FBRSL1: variants seen among roughly 807,000 people sequenced by gnomAD.
FBRSL1 encodes fibrosin like 1.
A neutral mutation model predicts 89.6 loss-of-function variants in FBRSL1; 51 were observed. The ratio of observed to expected loss-of-function variants is 0.57; its 90% CI spans 0.45 to 0.72. The LOEUF is 0.72. Among genes scored for constraint, FBRSL1 ranks in the 30% least tolerant of loss-of-function variants. FBRSL1 has a pLI of 0.00. For synonymous variants in FBRSL1, 779 were observed against 681.1 expected (o/e 1.14, Z -2.24); for missense variants, 1,618 against 1,451.8 (o/e 1.11, Z -1.86).
intron 9 of FBRSL1, 170 bp downstream of exon 9, chr12:132,571,401 G>A: frequency 6.4e-7 from 1 of 1,550,970 alleles, no homozygotes; most frequent in Non-Finnish European, 8.7e-7. Flanking sequence ...CTCTGCTGCG[G>A]GCGGAGTTCC....
In FBRSL1 at chr12:132,575,900, G is replaced by A. The variant is rs1022880494; in HGVS notation, c.1702-899G>A. Among the ~76,000 whole-genome samples, 6 of 152,238 alleles carry A rather than the reference G, an allele frequency of 3.9e-5. No individual in the cohort carries two copies. The South Asian group carries it at 8.3e-4, about 21-fold the overall frequency. Reference sequence around the variant, plus strand: ...CAGAGGCAGGACAGGCAGAGGCAGCGCAGTCACCAGGACAGTGGGGTCTTG... The same window carrying A: ...CAGAGGCAGGACAGGCAGAGGCAGCACAGTCACCAGGACAGTGGGGTCTTG... On this transcript the variant is annotated intron_variant, in intron 14 of 18. Transcript: ENST00000680143.
intron 6 of FBRSL1, 129 bp downstream of exon 6, chr12:132,567,655 T>G (rs867490521): frequency 2.1e-6 from 2 of 970,612 alleles, no homozygotes; most frequent in Middle Eastern, 2.1e-4. Flanking sequence ...CAGAGCTGGG[T>G]GGGACCAGGG....
rs1190290929 is a variant in FBRSL1, at chr12:132,582,091, G to A, written c.2026G>A (p.Glu676Lys). The A allele has an allele frequency of 6.5e-7, 1 of 1,548,850 alleles. No homozygotes were observed. The highest frequency in any genetic ancestry group is 8.7e-7 in the Non-Finnish European group (1 of 1,146,124). ...APGGSIFAPKEGSSVHGLPSP... is the reference protein window; with the variant it reads ...APGGSIFAPKKGSSVHGLPSP... Reference sequence around the variant, plus strand: ...CGGTGGCAGCATCTTTGCCCCCAAGGAGGGCTCCTCCGTGCACGGCCTGCC... The same window carrying A: ...CGGTGGCAGCATCTTTGCCCCCAAGAAGGGCTCCTCCGTGCACGGCCTGCC... Residue 676 changes from glutamate to lysine, a missense_variant, in exon 18 of 19, where the codon GAG becomes AAG. By Grantham distance (56) the Glu-to-Lys change is moderately conservative. Coordinates refer to ENST00000680143, the MANE Select transcript of FBRSL1 (RefSeq NM_001367871.1).
At chr12:132,522,837 C>T (rs969048858) in intron 2 of FBRSL1, among the ~76,000 whole-genome samples, 6 of 152,232 alleles carry the variant, frequency 3.9e-5, no homozygotes, top group Admixed American at 2.0e-4. Flanking sequence ...GGGCCCTCCC[C>T]GGCCTGCGCT....
chr12:132,570,340 G>C lies in FBRSL1; in HGVS notation c.1013G>C (p.Ser338Thr). 6.5e-7 allele frequency: 1 copy of C among 1,530,316 alleles called. No individual in the cohort carries two copies. The highest frequency in any genetic ancestry group is 1.4e-5 in the African/African-American group (1 of 72,442). 94.8% of individuals were successfully genotyped at this position (1,530,316 alleles called of 1,614,324 possible). The change falls in exon 8 of 19, where the codon AGC (serine) becomes ACC (threonine). Residue 338 changes from serine to threonine, a missense_variant. Coordinates refer to ENST00000680143, the MANE Select transcript of FBRSL1 (RefSeq NM_001367871.1). Reference sequence around the variant, plus strand: ...CTGAGCCCCGTGTCCCGCAGCAGGAGCAGCAGCGCCCCCCTGGGCCTGGGG... The same window carrying C: ...CTGAGCCCCGTGTCCCGCAGCAGGACCAGCAGCGCCCCCCTGGGCCTGGGG... ...AANGLHGLSR[S>T]SSAPLGLGKH...
chr12:132,500,605 T>G (rs963150163), intron 1 of FBRSL1, among the ~76,000 whole-genome samples: 1 of 152,124 alleles, frequency 6.6e-6, no homozygotes. Context: ...GTTTCCTGAA[T>G]CCGACCTCAT....
At chr12:132,555,481 C>G (rs1387745208) in intron 5 of FBRSL1, among the ~76,000 whole-genome samples, 2 of 149,496 alleles carry the variant, frequency 1.3e-5, no homozygotes, top group Non-Finnish European at 1.5e-5. Flanking sequence ...GGTAGCCGCC[C>G]CACCCGAGCG....
Position 132,581,795 on chromosome 12 carries a change from C to A in FBRSL1, c.1967C>A (p.Ala656Asp). The change falls in exon 17 of 19, where the codon GCC (alanine) becomes GAC (aspartate). Residue 656 changes from alanine to aspartate, a missense_variant. Physicochemically the swap from Ala to Asp is moderately radical, Grantham distance 126. Transcript: ENST00000680143. ...GGCCTGGGCAGCCTGAGCAGCCACG[C>A]CTTTGGGGGCCTGGGCAGCCATGCA... ...FGGLGSLSSH[A>D]FGGLGSHALA... 6.5e-7 allele frequency: 1 copy of A among 1,548,996 alleles called. No homozygotes were observed. Among genetic ancestry groups the A allele is most frequent in the Non-Finnish European group, 8.7e-7 (1 of 1,146,228 alleles).
chr12:132,582,319 T>A (rs2040817252), intron 18 of FBRSL1, 53 bp downstream of exon 18: 2 of 1,456,080 alleles, frequency 1.4e-6, no homozygotes. Flanking sequence ...CCCCGTTCTT[T>A]CCCCCCTCCC....
At chr12:132,574,668 CG>C (rs2040263134) in intron 14 of FBRSL1, 104 bp downstream of exon 14, 3 of 1,381,486 alleles carry the variant, frequency 2.2e-6, no homozygotes, top group African/African-American at 2.9e-5. Flanking sequence ...CGCGTGTGCA[CG>C]GGTGTGATCC....
chr12:132,577,013 T>C (rs2040423558), intron 15 of FBRSL1, 82 bp downstream of exon 15: 1 of 1,488,546 alleles, frequency 6.7e-7, no homozygotes, highest in South Asian at 1.3e-5. Flanking sequence ...GTGCCAGGAG[T>C]GAGAGCGCTC....
In FBRSL1 at chr12:132,582,189, G is replaced by C; in HGVS notation, c.2124G>C (p.Lys708Asn). The C allele has an allele frequency of 6.5e-7, 1 of 1,550,158 alleles. No individual in the cohort carries two copies. The highest frequency in any genetic ancestry group is 8.7e-7 in the Non-Finnish European group (1 of 1,146,868). ...PSFPAPPPWP[K>N]SVDAERVSAL... The stretch of plus-strand genomic sequence containing the variant: ...TCCCGGCTCCGCCCCCGTGGCCCAA[G>C]TCCGTGGACGCGGAGCGGGTGTCAG... The change falls in exon 18 of 19, where the codon AAG (lysine) becomes AAC (asparagine). Residue 708 changes from lysine (K) to asparagine (N), a missense_variant. Coordinates refer to ENST00000680143, the MANE Select transcript of FBRSL1 (RefSeq NM_001367871.1).
intron 5 of FBRSL1, chr12:132,564,937 T>C (rs1593522024): frequency 6.6e-6 from 1 of 152,050 alleles, no homozygotes; most frequent in African/African-American, 2.4e-5. Flanking sequence ...CCCTCCTAGG[T>C]TTTAGTAGGT....
chr12:132,521,922 C>T (rs537375183), intron 2 of FBRSL1, among the ~76,000 whole-genome samples: 6 of 152,090 alleles, frequency 3.9e-5, no homozygotes, highest in South Asian at 2.1e-4. Context: ...AGCCTTGGGG[C>T]GGGTCTGGGG....
intron 7 of FBRSL1, 45 bp downstream of exon 7, chr12:132,570,286 G>T (rs936255296): frequency 2.0e-6 from 3 of 1,511,144 alleles, no homozygotes; most frequent in African/African-American, 2.8e-5. Context: ...CTCAGGATGG[G>T]GGCTCTGCAG....
intron 4 of FBRSL1, among the ~76,000 whole-genome samples, chr12:132,528,585 CGGGGGGAGCGGGTGTCTGCCT>C (rs1365425344): frequency 7.7e-5 from 11 of 142,040 alleles, no homozygotes; most frequent in Non-Finnish European, 1.4e-4. Flanking sequence ...GTGTGTTTCC[CGGGGGGAGCGGGTGTCTGCCT>C]GGGGGGAGCG....
intron 4 of FBRSL1, among the ~76,000 whole-genome samples, chr12:132,539,040 C>G (rs964363973): frequency 6.6e-6 from 1 of 151,488 alleles, no homozygotes; most frequent in Non-Finnish European, 1.5e-5. Flanking sequence ...CTGGTGGGCT[C>G]CCATGCACTC....
At chr12:132,500,856 G>C (rs1361351617) in intron 1 of FBRSL1, among the ~76,000 whole-genome samples, 1 of 152,176 alleles carries the variant, frequency 6.6e-6, no homozygotes, top group Non-Finnish European at 1.5e-5. Flanking sequence ...TCCTGCCGCA[G>C]TGTCCCCCAC....
intron 2 of FBRSL1, among the ~76,000 whole-genome samples, chr12:132,517,230 A>G (rs193091239): frequency 1.6e-4 from 25 of 152,220 alleles, no homozygotes; most frequent in Middle Eastern, 3.4e-3. Context: ...CCCTCCTACA[A>G]ACCAAGAGTT....
Sources: allele counts gnomAD v4.1 joint callset (sites outside exome capture counted in the v4.1 genomes callset), GRCh38; gene constraint gnomAD v4.1.1; transcripts MANE v1.5; gene names NCBI Gene and HGNC (gene_info 2026-07-23, HGNC 2026-07-21).